Variants in ELK3 observed in about 807,000 individuals in gnomAD.
The protein encoded by ELK3 is ETS domain-containing protein Elk-3.
Under a neutral mutation model 28.9 loss-of-function variants are expected in ELK3, and 10 were observed. That is an observed-to-expected ratio of 0.35 (90% CI 0.21 to 0.59). The LOEUF (loss-of-function observed/expected upper bound fraction) is 0.59. Among genes scored for constraint, ELK3 ranks in the 20% least tolerant of loss-of-function variants. The probability of loss-of-function intolerance (pLI) is 0.82; values close to 1 mark genes in which losing one functional copy is unlikely to be tolerated. For missense variants in ELK3, 463 were observed against 517.3 expected, an observed-to-expected ratio of 0.90 and a Z score of 1.02; for synonymous variants, 272 against 243.5, an observed-to-expected ratio of 1.12 and a Z score of -1.09.
chr12:96,225,854 G>C (rs1281222430), intron 2 of ELK3, among the ~76,000 whole-genome samples: 3 of 152,222 alleles, frequency 2.0e-5, no homozygotes, highest in Non-Finnish European at 2.9e-5. Context: ...AGAGCCTCAG[G>C]CTGGGCATAG....
rs1477662894 is a variant in ELK3, at chr12:96,267,693, T to C, written c.*513T>C. ...TTCATTATTTTTCACCAGTGGGCAA[T>C]ATGAAAGCATATATCACGTTTTGTT... On this transcript the variant is annotated 3_prime_UTR_variant, in exon 5 of 5. Coordinates refer to ENST00000228741, the MANE Select transcript of ELK3 (RefSeq NM_005230.4). The C allele has an allele frequency of 1.3e-5, 2 of 152,760 alleles. No individual in the cohort carries two copies. Among genetic ancestry groups the C allele is most frequent in the Non-Finnish European group, 2.9e-5 (2 of 68,110 alleles). 9.5% of individuals were successfully genotyped at this position (152,760 alleles called of 1,614,324 possible). A position where few individuals can be genotyped will look rare whatever the true frequency, so the allele number is the denominator to read the frequency against.
At chr12:96,201,019 A>G (rs541795056) in intron 1 of ELK3, among the ~76,000 whole-genome samples, 33 of 152,268 alleles carry the variant, frequency 2.2e-4, no homozygotes, top group African/African-American at 7.2e-4. Context: ...CTGGCCATTT[A>G]CAAAATTCTG....
chr12:96,269,777 T>C lies in ELK3; in HGVS notation c.*2597T>C, dbSNP rs1952072035. 1 of 152,252 alleles carries C rather than the reference T, an allele frequency of 6.6e-6. No individual in the cohort carries two copies. Among genetic ancestry groups the C allele is most frequent in the Non-Finnish European group, 1.5e-5 (1 of 68,036 alleles). The allele number at this position is 152,252 out of a possible 1,614,324, so 9.4% of individuals were successfully genotyped here. A position where few individuals can be genotyped will look rare whatever the true frequency, so the allele number is the denominator to read the frequency against. On this transcript the variant is annotated 3_prime_UTR_variant, in exon 5 of 5. Transcript: ENST00000228741. ...CAAATCTTCACTTTATGTATCATTT[T>C]TACTGTCATATTATTTTTGTTCAAT... is the stretch of plus-strand genomic sequence containing the variant.
chr12:96,215,991 G>C (rs1951614411), intron 1 of ELK3, among the ~76,000 whole-genome samples: 1 of 152,046 alleles, frequency 6.6e-6, no homozygotes. Flanking sequence ...ACAGAATAAG[G>C]GCAGAAAATA....
rs1347361884 is a variant in ELK3, at chr12:96,194,662, GTCC to G, written c.-41_-39del. The G allele has an allele frequency of 6.6e-6, 1 of 151,010 alleles. No individual in the cohort carries two copies. The highest frequency in any genetic ancestry group is 1.5e-5 in the Non-Finnish European group (1 of 67,866). The allele number at this position is 151,010 out of a possible 1,614,324, so 9.4% of individuals were successfully genotyped here. A position where few individuals can be genotyped will look rare whatever the true frequency, so the allele number is the denominator to read the frequency against. The stretch of plus-strand genomic sequence containing the variant: ...TGGAAAGTCGGGGGCTTTCGCCCGG[GTCC>G]TCCTAGAAATTCCCCCCGAAGAAGA... On this transcript the variant is annotated 5_prime_UTR_variant, in exon 1 of 5. The change creates a premature stop within an existing upstream ORF in the 5' untranslated region. Transcript: ENST00000228741.
chr12:96,246,148 C>A (rs1405403189), intron 2 of ELK3, among the ~76,000 whole-genome samples: 5 of 152,178 alleles, frequency 3.3e-5, no homozygotes, highest in African/African-American at 1.2e-4. Context: ...TCATTGAATT[C>A]TTCTGACTCG....
At chr12:96,259,014 CCCAAGTAAT>C (rs1951972676) in intron 3 of ELK3, among the ~76,000 whole-genome samples, 1 of 152,098 alleles carries the variant, frequency 6.6e-6, no homozygotes. Flanking sequence ...GTGTTCGTAA[CCCAAGTAAT>C]AGATGTCCAC....
intron 1 of ELK3, among the ~76,000 whole-genome samples, chr12:96,196,574 A>G (rs939020353): frequency 2.6e-4 from 39 of 152,060 alleles, no homozygotes; most frequent in Admixed American, 1.1e-3. Context: ...ATTTATGAGG[A>G]TGATAAAATT....
intron 3 of ELK3, among the ~76,000 whole-genome samples, chr12:96,252,626 GTAGAAATAGCAAGAGAAC>G (rs1247363635): frequency 6.6e-6 from 1 of 152,204 alleles, no homozygotes; most frequent in Non-Finnish European, 1.5e-5. Flanking sequence ...TGCAGATGTG[GTAGAAATAGCAAGAGAAC>G]TAGCATTAGA....
intron 1 of ELK3, among the ~76,000 whole-genome samples, chr12:96,217,654 A>C (rs1437088060): frequency 6.6e-6 from 1 of 152,056 alleles, no homozygotes. Flanking sequence ...CCAATTCCTC[A>C]GCTGGGCACA....
chr12:96,228,768 G>A (rs961756395), intron 2 of ELK3, among the ~76,000 whole-genome samples: 2 of 152,164 alleles, frequency 1.3e-5, no homozygotes, highest in Non-Finnish European at 2.9e-5. Context: ...GTGACTGGTG[G>A]GAGCTTTGTA....
At chr12:96,211,462 C>A (rs941547294) in intron 1 of ELK3, among the ~76,000 whole-genome samples, 1 of 95,716 alleles carries the variant, frequency 1.0e-5, no homozygotes, top group African/African-American at 4.2e-5. Flanking sequence ...GAAGAGGAAA[C>A]TGCCCTGGGG....
rs1196313875 is a variant in ELK3 at position 96,269,674 on chromosome 12, TAA to T, written c.*2496_*2497del. The T allele has an allele frequency of 1.3e-5, 2 of 152,266 alleles. No homozygotes were observed. The highest frequency in any genetic ancestry group is 4.8e-5 in the African/African-American group (2 of 41,464). The allele number at this position is 152,266 out of a possible 1,614,324, so 9.4% of individuals were successfully genotyped here. A position where few individuals can be genotyped will look rare whatever the true frequency, so the allele number is the denominator to read the frequency against. On this transcript the variant is annotated 3_prime_UTR_variant, in exon 5 of 5. Coordinates refer to ENST00000228741, the MANE Select transcript of ELK3 (RefSeq NM_005230.4). Reference sequence around the variant, plus strand: ...CCTTTTATGTCTGCTTAATCAGTGTTAAACTGCTATGGGAAAAGTTTTATAGA... The same window carrying T: ...CCTTTTATGTCTGCTTAATCAGTGTTACTGCTATGGGAAAAGTTTTATAGA...
chr12:96,229,839 C>A (rs185374300), intron 2 of ELK3, among the ~76,000 whole-genome samples: 2 of 152,102 alleles, frequency 1.3e-5, no homozygotes, highest in East Asian at 3.9e-4. Context: ...CGATTTTCCT[C>A]TTCTTATGAG....
rs71091236 is a variant in ELK3, at chr12:96,228,416, C to CAAAAAAAAAA, written c.207+4662_207+4671dup. 2.6e-3 allele frequency among the ~76,000 whole-genome samples: 180 copies of CAAAAAAAAAA among 68,308 alleles called. 6 individuals carry two copies. Among genetic ancestry groups the CAAAAAAAAAA allele is most frequent in the East Asian group, 0.018 (34 of 1,850 alleles). 44.8% of individuals were successfully genotyped at this position (68,308 alleles called of 152,430 possible). ...CTGGCGACAGAGTGAGACTCTGTGTCAAAAAAAAAAAAAAAAAAAAAAAAA... is the reference window on the plus strand; with the variant it reads ...CTGGCGACAGAGTGAGACTCTGTGTCAAAAAAAAAAAAAAAAAAAAAAAAAAAAAAAAAAA... On this transcript the variant is annotated intron_variant, in intron 2 of 4. Transcript: ENST00000228741.
intron 3 of ELK3, among the ~76,000 whole-genome samples, chr12:96,259,486 T>C (rs1329794883): frequency 1.3e-5 from 2 of 152,162 alleles, no homozygotes; most frequent in Non-Finnish European, 1.5e-5. Flanking sequence ...GTGGAGGTTA[T>C]AGTGAACCAA....
chr12:96,234,143 C>G (rs536570908), intron 2 of ELK3, among the ~76,000 whole-genome samples: 2 of 152,172 alleles, frequency 1.3e-5, no homozygotes, highest in Admixed American at 6.5e-5. Context: ...CAGGGGGCTG[C>G]GTGTTGACTG....
At chr12:96,210,994 G>T (rs527704426) in intron 1 of ELK3, among the ~76,000 whole-genome samples, 1 of 152,334 alleles carries the variant, frequency 6.6e-6, no homozygotes, top group Admixed American at 6.5e-5. Context: ...CTGGACTTTG[G>T]AGCCAGATGC....
chr12:96,267,663 A>C lies in ELK3; in HGVS notation c.*483A>C, dbSNP rs560422044. 40 of 152,908 alleles carry C rather than the reference A, an allele frequency of 2.6e-4. No homozygotes were observed. Among genetic ancestry groups the C allele is most frequent in the African/African-American group, 9.6e-4 (40 of 41,588 alleles). 9.5% of individuals were successfully genotyped at this position (152,908 alleles called of 1,614,324 possible). A position where few individuals can be genotyped will look rare whatever the true frequency, so the allele number is the denominator to read the frequency against. On this transcript the variant is annotated 3_prime_UTR_variant, in exon 5 of 5. Coordinates refer to ENST00000228741, the MANE Select transcript of ELK3 (RefSeq NM_005230.4). The stretch of plus-strand genomic sequence containing the variant: ...AATTAGTATCAAACAGCTCTCTAGT[A>C]GAATTTCATTATTTTTCACCAGTGG...
Sources: gnomAD v4.1 joint callset for allele counts (sites outside exome capture counted in the v4.1 genomes callset) on GRCh38, gnomAD v4.1.1 for gene constraint, MANE v1.5 for transcripts, NCBI Gene and HGNC (gene_info 2026-07-23, HGNC 2026-07-21) for gene names.